Variants in BMPR1A observed in about 807,000 individuals in gnomAD.
The protein encoded by BMPR1A is bone morphogenetic protein receptor type 1A, also known as bone morphogenetic protein receptor type-1A.
Under a neutral mutation model 66.0 loss-of-function variants are expected in BMPR1A, and 7 were observed. The ratio of observed to expected loss-of-function variants is 0.11; its 90% CI spans 0.06 to 0.20. The LOEUF (loss-of-function observed/expected upper bound fraction) is 0.20. Ranked by LOEUF, BMPR1A falls within the 10% of genes least tolerant of loss-of-function variation. BMPR1A has a pLI of 1.00. For synonymous variants in BMPR1A, 200 were observed against 229.7 expected (o/e 0.87, Z 1.17); for missense variants, 408 against 669.1 (o/e 0.61, Z 4.31).
intron 1 of BMPR1A, among the ~76,000 whole-genome samples, chr10:86,779,254 A>G (rs1465541626): frequency 6.6e-6 from 1 of 152,154 alleles, no homozygotes; most frequent in African/African-American, 2.4e-5. Context: ...ATAAATTCCT[A>G]GTAGTGGAAT....
intron 5 of BMPR1A, among the ~76,000 whole-genome samples, chr10:86,893,988 C>G (rs894340563): frequency 2.6e-5 from 4 of 152,172 alleles, no homozygotes; most frequent in African/African-American, 9.7e-5. Context: ...AGTGCTTCAT[C>G]CTACTAGTCT....
At chr10:86,841,916 T>G (rs1240952523) in intron 2 of BMPR1A, among the ~76,000 whole-genome samples, 1 of 152,222 alleles carries the variant, frequency 6.6e-6, no homozygotes, top group Non-Finnish European at 1.5e-5. Context: ...TCTGGATAGC[T>G]GAACATGTGC....
intron 1 of BMPR1A, among the ~76,000 whole-genome samples, chr10:86,796,571 CTTGTTTCTTCTTTT>C (rs1270668222): frequency 7.0e-6 from 1 of 143,590 alleles, no homozygotes. Context: ...CTTTTCTTTC[CTTGTTTCTTCTTTT>C]TTGTTTTTTG....
chr10:86,865,262 C>T (rs950267756), intron 2 of BMPR1A, among the ~76,000 whole-genome samples: 2 of 152,154 alleles, frequency 1.3e-5, no homozygotes, highest in Non-Finnish European at 2.9e-5. Context: ...AATGGCCAGT[C>T]CTTGCCTTAA....
intron 2 of BMPR1A, chr10:86,854,933 C>CTTTTTTTTTTTTTTTTTTTTTTTTT (rs921404914): frequency 6.8e-6 from 1 of 146,042 alleles, no homozygotes; most frequent in African/African-American, 2.6e-5. Context: ...TTTTCTTTTT[C>CTTTTTTTTTTTTTTTTTTTTTTTTT]TTTTTTTTTT....
At chr10:86,931,298 C>CACACACATATATATATAT, downstream of BMPR1A, 33 of 90,910 alleles carry the variant, frequency 3.6e-4, no homozygotes, top group African/African-American at 2.0e-3. Context: ...CACACACACA[C>CACACACATATATATATAT]ATATATATAT....
intron 1 of BMPR1A, among the ~76,000 whole-genome samples, chr10:86,804,012 A>G (rs1402435727): frequency 1.3e-5 from 2 of 152,134 alleles, no homozygotes; most frequent in East Asian, 1.9e-4. Context: ...GAATGATACT[A>G]TTTTTCCACT....
At chr10:86,913,078 A>G (rs189883542) in intron 8 of BMPR1A, among the ~76,000 whole-genome samples, 84 of 152,126 alleles carry the variant, frequency 5.5e-4, no homozygotes, top group African/African-American at 2.0e-3. Context: ...TTTTAATTGT[A>G]TTAGTTGAAA....
chr10:86,855,500 T>A lies in BMPR1A; in HGVS notation c.-153+16521T>A, dbSNP rs1405230941. ...CAGAATTTTCTGAAGCTATAATCTT[T>A]CAGGAAATAGTACTATTTTTTGAAA... On this transcript the variant is annotated intron_variant, in intron 2 of 12. Coordinates refer to ENST00000372037, the MANE Select transcript of BMPR1A (RefSeq NM_004329.3). 31 of 517,350 alleles carry A rather than the reference T, an allele frequency of 6.0e-5. No homozygotes were observed. In the East Asian group the frequency reaches 9.7e-4, roughly 16 times the overall value. The allele number at this position is 517,350 out of a possible 1,614,324, so 32.0% of individuals were successfully genotyped here.
intron 1 of BMPR1A, among the ~76,000 whole-genome samples, chr10:86,824,281 A>T (rs1448799135): frequency 6.6e-6 from 1 of 152,140 alleles, no homozygotes; most frequent in Non-Finnish European, 1.5e-5. Context: ...AGTTGCTGCT[A>T]ATTGCCTGTC....
At chr10:86,853,053 G>T (rs1240141298) in intron 2 of BMPR1A, among the ~76,000 whole-genome samples, 6 of 152,028 alleles carry the variant, frequency 3.9e-5, no homozygotes, top group South Asian at 2.1e-4. Context: ...TAATACTGAG[G>T]ATATAAAAGG....
chr10:86,844,934 G>A (rs1401375473), intron 2 of BMPR1A, among the ~76,000 whole-genome samples: 3 of 152,060 alleles, frequency 2.0e-5, no homozygotes, highest in Non-Finnish European at 4.4e-5. Context: ...CCGCCACCAC[G>A]CTCAGCTAAT....
intron 7 of BMPR1A, among the ~76,000 whole-genome samples, chr10:86,905,277 C>T (rs1245380563): frequency 4.6e-5 from 7 of 152,280 alleles, no homozygotes; most frequent in South Asian, 2.1e-4. Context: ...CTGTACCATA[C>T]GCCAGTTCCT....
chr10:86,767,567 A>G (rs1841187033), intron 1 of BMPR1A, among the ~76,000 whole-genome samples: 1 of 152,100 alleles, frequency 6.6e-6, no homozygotes, highest in African/African-American at 2.4e-5. Flanking sequence ...AGTCTCAGCA[A>G]CTCAGGAAGC....
At chr10:86,782,640 ATCT>A (rs1409099058) in intron 1 of BMPR1A, among the ~76,000 whole-genome samples, 2 of 151,634 alleles carry the variant, frequency 1.3e-5, no homozygotes, top group African/African-American at 4.8e-5. Flanking sequence ...CCATTTATGT[ATCT>A]TCTTTGTAAA....
chr10:86,762,539 TA>T (rs1190592765), intron 1 of BMPR1A, among the ~76,000 whole-genome samples: 2 of 152,150 alleles, frequency 1.3e-5, no homozygotes, highest in Non-Finnish European at 2.9e-5. Context: ...TTTGTATTTT[TA>T]GTAGAGACAG....
chr10:86,886,092 C>T (rs549623818), intron 3 of BMPR1A, among the ~76,000 whole-genome samples: 1 of 152,218 alleles, frequency 6.6e-6, no homozygotes, highest in African/African-American at 2.4e-5. Flanking sequence ...ATAACCTATA[C>T]CCCCAGTCCA....
At chr10:86,815,902 A>G (rs1211670689) in intron 1 of BMPR1A, among the ~76,000 whole-genome samples, 1 of 152,230 alleles carries the variant, frequency 6.6e-6, no homozygotes, top group Non-Finnish European at 1.5e-5. Context: ...CTGAGTTGGC[A>G]TAGTGAAAAG....
chr10:86,798,255 A>G (rs966238734), intron 1 of BMPR1A, among the ~76,000 whole-genome samples: 2 of 152,124 alleles, frequency 1.3e-5, no homozygotes, highest in Admixed American at 6.5e-5. Context: ...ATATCTTTGC[A>G]AAAACCAAGT....
Sources: gnomAD v4.1 joint callset for allele counts (sites outside exome capture counted in the v4.1 genomes callset) on GRCh38, gnomAD v4.1.1 for gene constraint, MANE v1.5 for transcripts, NCBI Gene and HGNC (gene_info 2026-07-23, HGNC 2026-07-21) for gene names.